The following ABCB8 variants were observed in gnomAD, a reference collection of about 807,000 sequenced individuals.
ABCB8 encodes the protein mitochondrial potassium channel ATP-binding subunit.
In ABCB8, 52 loss-of-function variants were observed where a neutral mutation model predicts 73.0. That is an observed-to-expected ratio of 0.71 (90% CI 0.57 to 0.90). The LOEUF (loss-of-function observed/expected upper bound fraction) is 0.90, where lower values mean the gene tolerates loss of function less well. ABCB8 is among the 40% of genes least tolerant of loss of function. The pLI is 0.00. For missense variants in ABCB8, 909 were observed against 974.6 expected (o/e 0.93, Z 0.90); for synonymous variants, 428 against 423.5 (o/e 1.01, Z -0.13).
At position 151,045,416 on chromosome 7, in the gene ABCB8, G is replaced by A. The variant is rs960364854; in HGVS notation, c.*67G>A. On this transcript the variant is annotated 3_prime_UTR_variant, in exon 16 of 16. Transcript: ENST00000358849. ...TAGGGCTGGGGCTCAGCCTGGGGGA[G>A]CCTACTGGGGACTGAGCCCCCAGGA... 7.1e-7 allele frequency: 1 copy of A among 1,399,266 alleles called. No individual in the cohort carries two copies. The highest frequency in any genetic ancestry group is 2.8e-5 in the East Asian group (1 of 35,650). The allele number at this position is 1,399,266 out of a possible 1,614,324, so 86.7% of individuals were successfully genotyped here.
At position 151,043,913 on chromosome 7, in the gene ABCB8, T is replaced by C. The variant is rs558625129; in HGVS notation, c.1766-58T>C. ...CGTTCAGGAAGGACCCTGTGCCCCT[T>C]TGTGGGCCACCCTCAAGTGCACAGC... On this transcript the variant is annotated intron_variant, in intron 14 of 15. Transcript: ENST00000358849. 1.4e-4 allele frequency: 218 copies of C among 1,591,588 alleles called. 2 individuals carry two copies. The South Asian group carries it at 1.9e-3, about 14-fold the overall frequency.
intron 9 of ABCB8, chr7:151,038,988 C>G (rs544385711): frequency 1.2e-4 from 19 of 152,358 alleles, no homozygotes; most frequent in African/African-American, 4.6e-4. Flanking sequence ...GGCAGCCTAA[C>G]CTATGAGCCC....
chr7:151,037,669 C>G, intron 9 of ABCB8: 1 of 340,568 alleles, frequency 2.9e-6, no homozygotes, highest in South Asian at 2.5e-5. Flanking sequence ...CCCTGCTCTT[C>G]CACCGGGGCC....
rs370337050 is a variant in ABCB8, at chr7:151,028,584, C to T, written c.69C>T (p.Leu23=). The part of the protein sequence containing the change: ...GPFPGRLLPP[L]RFQTFSAVRY... Reference sequence around the variant, plus strand: ...TCCCAGGCAGGCTGCTACCGCCCCTCCGCTTCCAGACATTCTCAGCTGTCA... The same window carrying T: ...TCCCAGGCAGGCTGCTACCGCCCCTTCGCTTCCAGACATTCTCAGCTGTCA... The change falls in exon 1 of 16, where the codon CTC becomes CTT. Residue 23 remains leucine (L), a synonymous_variant. Transcript: ENST00000358849. 4.0e-5 allele frequency: 64 copies of T among 1,613,838 alleles called. No individual in the cohort carries two copies. The highest frequency in any genetic ancestry group is 5.3e-5 in the Non-Finnish European group (62 of 1,180,046).
Position 151,042,109 on chromosome 7 carries a change from G to C in ABCB8, c.1765+1G>C. ...CCCGAGGGCTACAACACGGTCGTCG[G>C]TGGGTGCTCGGGTCTGCCGGGAACC... On this transcript the variant is annotated splice_donor_variant, in intron 14 of 15. Coordinates refer to ENST00000358849, the MANE Select transcript of ABCB8 (RefSeq NM_007188.5). LOFTEE classifies it high-confidence loss of function. 3.1e-6 allele frequency: 5 copies of C among 1,612,804 alleles called. No homozygotes were observed. The highest frequency in any genetic ancestry group is 4.2e-6 in the Non-Finnish European group (5 of 1,179,796).
At position 151,035,702 on chromosome 7, in the gene ABCB8, G is replaced by T. The variant is rs774009449; in HGVS notation, c.887G>T (p.Gly296Val). 14 of 1,613,406 alleles carry T rather than the reference G, an allele frequency of 8.7e-6. No individual in the cohort carries two copies. The East Asian group carries it at 2.5e-4, about 28-fold the overall frequency. Residue 296 changes from glycine (G) to valine (V), a missense_variant, in exon 6 of 16, where the codon GGC (glycine) becomes GTC (valine). Physicochemically the swap from Gly to Val is moderately radical, Grantham distance 109. Coordinates refer to ENST00000358849, the MANE Select transcript of ABCB8 (RefSeq NM_007188.5). ...PALMGVGTLM[G>V]SGLRKLSRQC... The stretch of plus-strand genomic sequence containing the variant: ...CTGATGGGAGTGGGCACCCTGATGG[G>T]CTCAGGCCTCCGAAAATTGTCTCGC...
chr7:151,041,125 G>C lies in ABCB8; in HGVS notation c.1510G>C (p.Glu504Gln). The change falls in exon 13 of 16, where the codon GAG becomes CAG. Residue 504 changes from glutamate to glutamine, a missense_variant. Coordinates refer to ENST00000358849, the MANE Select transcript of ABCB8 (RefSeq NM_007188.5). Reference protein sequence around the residue: ...GGKTTVASLLERFYDPTAGVV... With the variant: ...GGKTTVASLLQRFYDPTAGVV... ...AAAGACCACCGTGGCTTCCCTGCTGGAGCGCTTCTACGACCCCACGGCAGG... is the reference window on the plus strand; with the variant it reads ...AAAGACCACCGTGGCTTCCCTGCTGCAGCGCTTCTACGACCCCACGGCAGG... 1 of 1,613,422 alleles carries C rather than the reference G, an allele frequency of 6.2e-7. No individual in the cohort carries two copies. Among genetic ancestry groups the C allele is most frequent in the Non-Finnish European group, 8.5e-7 (1 of 1,180,002 alleles).
In ABCB8 at chr7:151,034,843, T is replaced by C. The variant is rs780212605; in HGVS notation, c.765+14T>C. 1.2e-6 allele frequency: 2 copies of C among 1,604,626 alleles called. No homozygotes were observed. Among genetic ancestry groups the C allele is most frequent in the African/African-American group, 2.7e-5 (2 of 74,826 alleles). ...GTCATCTCCCAGGTCAGTGGCCCAG[T>C]GGCCCCCACCACGTCCACACACACA... On this transcript the variant is annotated intron_variant, in intron 5 of 15. Transcript: ENST00000358849.
chr7:151,044,938 C>T (rs755230098), intron 15 of ABCB8, among the ~76,000 whole-genome samples: 2 of 152,166 alleles, frequency 1.3e-5, no homozygotes, highest in Admixed American at 1.3e-4. Flanking sequence ...TGCAGGGAGA[C>T]GGATCCTGAG....
intron 9 of ABCB8, 185 bp downstream of exon 9, chr7:151,036,834 C>G: frequency 1.3e-6 from 1 of 759,360 alleles, no homozygotes; most frequent in African/African-American, 1.7e-5. Context: ...AACAACCCTC[C>G]TGGCTGGGGC....
Position 151,040,623 on chromosome 7 carries a change from C to T in ABCB8, c.1377C>T (p.Asn459=), listed in dbSNP as rs760992069. The part of the protein sequence containing the change: ...EQLRGSVTFQ[N]VCFSYPCRPG... ...TGCGTGGCTCCGTTACATTTCAGAA[C>T]GTCTGCTTCAGGTCAGCACGGGTGA... Residue 459 remains asparagine (N), a synonymous_variant, in exon 11 of 16, where the codon AAC becomes AAT. Coordinates refer to ENST00000358849, the MANE Select transcript of ABCB8 (RefSeq NM_007188.5). 2.4e-5 allele frequency: 39 copies of T among 1,612,528 alleles called. No homozygotes were observed. The East Asian group carries it at 4.0e-4, about 17-fold the overall frequency.
intron 1 of ABCB8, among the ~76,000 whole-genome samples, chr7:151,032,155 C>T (rs1245490925): frequency 6.6e-6 from 1 of 152,158 alleles, no homozygotes; most frequent in Non-Finnish European, 1.5e-5. Flanking sequence ...CTAGAGCTCT[C>T]CCCTTTACAC....
intron 1 of ABCB8, among the ~76,000 whole-genome samples, chr7:151,032,480 G>A (rs1292773164): frequency 1.3e-5 from 2 of 152,194 alleles, no homozygotes; most frequent in African/African-American, 2.4e-5. Flanking sequence ...TGGATCATGA[G>A]GTCAGGAGTT....
intron 9 of ABCB8, 137 bp downstream of exon 9, chr7:151,036,786 A>G: frequency 1.2e-6 from 1 of 815,708 alleles, no homozygotes; most frequent in Non-Finnish European, 2.1e-6. Context: ...TTCCCCAGGG[A>G]TGCATAGGGT....
rs1188796988 is a variant in ABCB8 at position 151,032,973 on chromosome 7, G to C, written c.96-632G>C. On this transcript the variant is annotated intron_variant, in intron 1 of 15. Coordinates refer to ENST00000358849, the MANE Select transcript of ABCB8 (RefSeq NM_007188.5). ...GCCTGGGTGCTGGAGTCAGACTGCAGACTTGGTTCCCTGCTCGTCCCAGTT... is the reference window on the plus strand; with the variant it reads ...GCCTGGGTGCTGGAGTCAGACTGCACACTTGGTTCCCTGCTCGTCCCAGTT... 8 of 456,244 alleles carry C rather than the reference G, an allele frequency of 1.8e-5. No individual in the cohort carries two copies. In the Admixed American group the frequency reaches 1.9e-4, roughly 11 times the overall value. The allele number at this position is 456,244 out of a possible 1,614,324, so 28.3% of individuals were successfully genotyped here. A position where few individuals can be genotyped will look rare whatever the true frequency, so the allele number is the denominator to read the frequency against.
At chr7:151,044,486 G>A (rs1207974426) in intron 15 of ABCB8, among the ~76,000 whole-genome samples, 7 of 152,112 alleles carry the variant, frequency 4.6e-5, no homozygotes, top group South Asian at 2.1e-4. Context: ...AGTACTAGCC[G>A]GGTGCCTGTA....
At position 151,035,851 on chromosome 7, in the gene ABCB8, C is replaced by T. The variant is rs1200424257; in HGVS notation, c.928-31C>T. 3 of 1,611,730 alleles carry T rather than the reference C, an allele frequency of 1.9e-6. 1 individual carries two copies. The stretch of plus-strand genomic sequence containing the variant: ...TGGACTCCTTGTCCTGTTTTCTGGA[C>T]TCCTTGTCCTGTTTCCTGGACTCCT... On this transcript the variant is annotated intron_variant, in intron 6 of 15. Transcript: ENST00000358849.
In ABCB8 at chr7:151,045,571, C is replaced by A; in HGVS notation, c.*222C>A. ...CCGGCTGCCTCCCTCCCACCAGAGT[C>A]TGCCAGAGTCATTGGGCTGCAATGG... On this transcript the variant is annotated 3_prime_UTR_variant, in exon 16 of 16. Coordinates refer to ENST00000358849, the MANE Select transcript of ABCB8 (RefSeq NM_007188.5). The A allele has an allele frequency of 2.0e-6, 1 of 488,370 alleles. No individual in the cohort carries two copies. Among genetic ancestry groups the A allele is most frequent in the Non-Finnish European group, 3.4e-6 (1 of 291,228 alleles). 30.3% of individuals were successfully genotyped at this position (488,370 alleles called of 1,614,324 possible). A position where few individuals can be genotyped will look rare whatever the true frequency, so the allele number is the denominator to read the frequency against.
rs76801918 is a variant in ABCB8 at position 151,033,692 on chromosome 7, C to G, written c.183C>G (p.Pro61=). The G allele has an allele frequency of 1.9e-5, 31 of 1,613,232 alleles. No homozygotes were observed. The East Asian group carries it at 4.2e-4, about 22-fold the overall frequency. The change falls in exon 2 of 16, where the codon CCC becomes CCG. Residue 61 remains proline, a synonymous_variant. Transcript: ENST00000358849. The part of the protein sequence containing the change: ...SQLWAHLPRA[P]LAPRWSPSAW... ...TCTGGGCCCACCTCCCTCGAGCCCCCCTAGCTCCCAGATGGAGCCCCTCTG... is the reference window on the plus strand; with the variant it reads ...TCTGGGCCCACCTCCCTCGAGCCCCGCTAGCTCCCAGATGGAGCCCCTCTG...
Sources: gnomAD v4.1 joint callset for allele counts (sites outside exome capture counted in the v4.1 genomes callset) on GRCh38, gnomAD v4.1.1 for gene constraint, MANE v1.5 for transcripts, NCBI Gene and HGNC (gene_info 2026-07-23, HGNC 2026-07-21) for gene names.